The following ATP2A2 variants were observed in gnomAD, a reference collection of about 807,000 sequenced individuals.
The protein encoded by ATP2A2 is ATPase sarcoplasmic/endoplasmic reticulum Ca2+ transporting 2.
Under a neutral mutation model 109.3 loss-of-function variants are expected in ATP2A2, and 14 were observed. That is an observed-to-expected ratio of 0.13 (90% confidence interval 0.08 to 0.20). The LOEUF is 0.20. Ranked by LOEUF, ATP2A2 falls within the 10% of genes least tolerant of loss-of-function variation. The pLI is 1.00. For missense variants in ATP2A2, 657 were observed against 1,321.6 expected, an observed-to-expected ratio of 0.50 and a Z score of 7.80; for synonymous variants, 506 against 490.9, an observed-to-expected ratio of 1.03 and a Z score of -0.41.
At chr12:110,301,655 A>G (rs1874659309) in intron 5 of ATP2A2, among the ~76,000 whole-genome samples, 1 of 152,190 alleles carries the variant, frequency 6.6e-6, no homozygotes, top group Non-Finnish European at 1.5e-5. Context: ...TCTCCACACA[A>G]GTGCCAGAGT....
chr12:110,307,681 T>C (rs974710450), intron 5 of ATP2A2, among the ~76,000 whole-genome samples: 1 of 152,230 alleles, frequency 6.6e-6, no homozygotes, highest in Non-Finnish European at 1.5e-5. Flanking sequence ...TTGCCCACTT[T>C]TCAACAGTGA....
At chr12:110,329,266 A>G (rs1034595761) in intron 8 of ATP2A2, 1 of 152,238 alleles carries the variant, frequency 6.6e-6, no homozygotes, top group African/African-American at 2.4e-5. Context: ...AATGACAAGA[A>G]AAAAATGTAC....
chr12:110,293,876 T>A lies in ATP2A2; in HGVS notation c.324+1752T>A, dbSNP rs773624447. 7.6e-4 allele frequency among the ~76,000 whole-genome samples: 99 copies of A among 129,868 alleles called. 1 individual carries two copies. The highest frequency in any genetic ancestry group is 2.8e-3 in the African/African-American group (89 of 31,426). The allele number at this position is 129,868 out of a possible 152,430, so 85.2% of individuals were successfully genotyped here. A position where few individuals can be genotyped will look rare whatever the true frequency, so the allele number is the denominator to read the frequency against. ...TGTGTGTGTGTGTGTATATATTTTT[T>A]TTTTTTTTTTTTTTTTTTTAGATGG... On this transcript the variant is annotated intron_variant, in intron 4 of 19. Coordinates refer to ENST00000539276, the MANE Select transcript of ATP2A2 (RefSeq NM_170665.4).
intron 5 of ATP2A2, among the ~76,000 whole-genome samples, chr12:110,306,948 A>G (rs1446222426): frequency 6.6e-6 from 1 of 151,906 alleles, no homozygotes; most frequent in East Asian, 1.9e-4. Context: ...TCGTACAGAT[A>G]AGGTCTCACC....
At chr12:110,328,336 C>T (rs904091718) in intron 8 of ATP2A2, among the ~76,000 whole-genome samples, 8 of 151,508 alleles carry the variant, frequency 5.3e-5, no homozygotes, top group Admixed American at 2.0e-4. Flanking sequence ...TTTGAGAGGC[C>T]GAGGCGGGTG....
At chr12:110,319,146 C>T (rs1053449906) in intron 5 of ATP2A2, among the ~76,000 whole-genome samples, 3 of 144,704 alleles carry the variant, frequency 2.1e-5, no homozygotes, top group African/African-American at 7.7e-5. Context: ...GAGTTCAAGG[C>T]TGTAGTTCAC....
Position 110,281,826 on chromosome 12 carries a change from C to G in ATP2A2, c.37C>G (p.Leu13Val). The G allele has an allele frequency of 6.4e-7, 1 of 1,558,356 alleles. No homozygotes were observed. ...NAHTKTVEEVLGHFGVNESTG... is the reference protein window; with the variant it reads ...NAHTKTVEEVVGHFGVNESTG... ...GCACACCAAGACGGTGGAGGAGGTGCTGGGCCACTTCGGCGTCAACGAGAG... is the reference window on the plus strand; with the variant it reads ...GCACACCAAGACGGTGGAGGAGGTGGTGGGCCACTTCGGCGTCAACGAGAG... Residue 13 changes from leucine to valine, a missense_variant, in exon 1 of 20, where the codon CTG becomes GTG. Around this residue, in one of 9 missense-constraint regions of ATP2A2, gnomAD observed 64 missense variants for 65.4 expected, o/e 0.98. Coordinates refer to ENST00000539276, the MANE Select transcript of ATP2A2 (RefSeq NM_170665.4).
At chr12:110,332,044 G>C (rs1486878576) in intron 8 of ATP2A2, 1 of 180,846 alleles carries the variant, frequency 5.5e-6, no homozygotes, top group Non-Finnish European at 1.2e-5. Context: ...TAGAACATGA[G>C]CTATTGCCAC....
intron 8 of ATP2A2, chr12:110,329,855 CT>C (rs1322270491): frequency 6.6e-6 from 1 of 152,180 alleles, no homozygotes; most frequent in African/African-American, 2.4e-5. Context: ...TTAGGTTTTG[CT>C]TAAACAACTT....
intron 11 of ATP2A2, among the ~76,000 whole-genome samples, chr12:110,338,519 G>A (rs1360550414): frequency 1.3e-5 from 2 of 152,106 alleles, no homozygotes; most frequent in African/African-American, 2.4e-5. Flanking sequence ...GTGAAGTGGC[G>A]CAATCTCATC....
chr12:110,346,091 C>T lies in ATP2A2; in HGVS notation c.2832C>T (p.Phe944=). 6.2e-7 allele frequency: 1 copy of T among 1,614,178 alleles called. No homozygotes were observed. Among genetic ancestry groups the T allele is most frequent in the Non-Finnish European group, 8.5e-7 (1 of 1,180,038 alleles). ...GSICLSMSLH[F]LILYVEPLPL... is the part of the protein sequence containing the mutation. ...TCTGCCTGTCCATGTCACTCCACTTCCTGATCCTCTATGTCGAACCCTTGC... is the reference window on the plus strand; with the variant it reads ...TCTGCCTGTCCATGTCACTCCACTTTCTGATCCTCTATGTCGAACCCTTGC... The change falls in exon 19 of 20, where the codon TTC becomes TTT. Residue 944 remains phenylalanine, a synonymous_variant. Transcript: ENST00000539276.
At position 110,340,041 on chromosome 12, in the gene ATP2A2, C is replaced by T. The variant is rs919926909; in HGVS notation, c.1761+320C>T. Among the ~76,000 whole-genome samples the T allele has an allele frequency of 3.3e-5, 5 of 152,030 alleles. No homozygotes were observed. Among genetic ancestry groups the T allele is most frequent in the African/African-American group, 9.7e-5 (4 of 41,382 alleles). Reference sequence around the variant, plus strand: ...AAATTGGTGACATTTCTAGAATATTCATTAGTTACTGAAGGTCAAAAGATC... The same window carrying T: ...AAATTGGTGACATTTCTAGAATATTTATTAGTTACTGAAGGTCAAAAGATC... On this transcript the variant is annotated intron_variant, in intron 13 of 19. Transcript: ENST00000539276. The surrounding 1 kb of genome is among the most constrained non-coding windows in gnomAD (Gnocchi z 6.0).
rs760226436 is a variant in ATP2A2 at position 110,340,724 on chromosome 12, C to T, written c.1827C>T (p.Ser609=). Reference sequence around the variant, plus strand: ...CTCCGAGAATCGAGGTGGCCTCCTCCGTGAAGCTGTGCCGGCAAGCAGGCA... The same window carrying T: ...CTCCGAGAATCGAGGTGGCCTCCTCTGTGAAGCTGTGCCGGCAAGCAGGCA... ...LDPPRIEVAS[S]VKLCRQAGIR... Residue 609 remains serine (S), a synonymous_variant, in exon 14 of 20, where the codon TCC becomes TCT. Coordinates refer to ENST00000539276, the MANE Select transcript of ATP2A2 (RefSeq NM_170665.4). This position sits in a 1 kb window ranked among gnomAD's most constrained non-coding sequence, Gnocchi z 6.0. 15 of 1,613,914 alleles carry T rather than the reference C, an allele frequency of 9.3e-6. No individual in the cohort carries two copies. Among genetic ancestry groups the T allele is most frequent in the African/African-American group, 2.7e-5 (2 of 74,880 alleles).
At chr12:110,331,380 G>GC (rs1878323007) in intron 8 of ATP2A2, 1 of 151,966 alleles carries the variant, frequency 6.6e-6, no homozygotes, top group African/African-American at 2.4e-5. Context: ...TTGCTCTGTC[G>GC]CCCAGGCTAG....
intron 5 of ATP2A2, among the ~76,000 whole-genome samples, chr12:110,307,875 T>C (rs1875555997): frequency 6.6e-6 from 1 of 152,216 alleles, no homozygotes; most frequent in Non-Finnish European, 1.5e-5. Context: ...GTCAAGTTAT[T>C]TGTTGCATTT....
At chr12:110,324,445 G>A (rs780568959) in intron 6 of ATP2A2, among the ~76,000 whole-genome samples, 32 of 151,562 alleles carry the variant, frequency 2.1e-4, no homozygotes, top group Non-Finnish European at 3.8e-4. Flanking sequence ...TTTTTGAGGC[G>A]GAGTCTCGCT....
chr12:110,337,794 A>G (rs1427751622), intron 11 of ATP2A2, among the ~76,000 whole-genome samples: 1 of 152,240 alleles, frequency 6.6e-6, no homozygotes, highest in Non-Finnish European at 1.5e-5. Flanking sequence ...CCAAACTAAG[A>G]CTATAAAAGT....
intron 8 of ATP2A2, among the ~76,000 whole-genome samples, chr12:110,328,975 A>G (rs902078527): frequency 2.0e-5 from 3 of 152,186 alleles, no homozygotes; most frequent in African/African-American, 4.8e-5. Flanking sequence ...TGGTTTTTCT[A>G]TCACATGTTG....
At chr12:110,304,674 G>A (rs1435559264) in intron 5 of ATP2A2, among the ~76,000 whole-genome samples, 1 of 152,124 alleles carries the variant, frequency 6.6e-6, no homozygotes, top group Non-Finnish European at 1.5e-5. Flanking sequence ...GGTGTGATTA[G>A]CAAAATTTTT....
Sources: gnomAD v4.1 joint callset for allele counts (sites outside exome capture counted in the v4.1 genomes callset) on GRCh38, gnomAD v4.1.1 for gene constraint, gnomAD v4.1.1 regional missense constraint, Gnocchi (gnomAD v3.1) non-coding constraint, MANE v1.5 for transcripts, NCBI Gene and HGNC (gene_info 2026-07-23, HGNC 2026-07-21) for gene names.